Variants in HDGF observed in about 807,000 individuals in gnomAD.
The protein encoded by HDGF is hepatoma-derived growth factor.
A neutral mutation model predicts 30.0 loss-of-function variants in HDGF; 5 were observed. The observed-to-expected ratio is 0.17, with a 90% CI of 0.09 to 0.35. HDGF has a LOEUF of 0.35. HDGF is among the 10% of genes least tolerant of loss of function. The pLI is 1.00. For synonymous variants in HDGF, 133 were observed against 112.7 expected, an observed-to-expected ratio of 1.18 and a Z score of -1.14; for missense variants, 214 against 302.8, an observed-to-expected ratio of 0.71 and a Z score of 2.18.
intron 1 of HDGF, among the ~76,000 whole-genome samples, chr1:156,764,343 C>T (rs760617313): frequency 2.0e-5 from 3 of 152,080 alleles, no homozygotes; most frequent in Non-Finnish European, 2.9e-5. Context: ...ATTCTCCTGC[C>T]TCAGCCTCCT....
upstream of HDGF, among the ~76,000 whole-genome samples, chr1:156,753,828 G>A (rs1052871229): frequency 6.6e-6 from 1 of 152,092 alleles, no homozygotes; most frequent in Non-Finnish European, 1.5e-5. Flanking sequence ...GGGGTTACAG[G>A]CGTGAGCCAC....
At chr1:156,765,472 C>CTT (rs71080793) in intron 1 of HDGF, among the ~76,000 whole-genome samples, 26,766 of 85,238 alleles carry the variant, frequency 0.31, 5,481 homozygotes, top group East Asian at 0.61. Flanking sequence ...TTCTTTCTTT[C>CTT]TTTTTTTTTT....
chr1:156,747,301 C>G (rs1311673870), intron 1 of HDGF: 1 of 121,218 alleles, frequency 8.2e-6, no homozygotes, highest in Non-Finnish European at 1.7e-5. Flanking sequence ...GAGGAAGGGA[C>G]ACTAACACAC....
rs759201444 is a variant in HDGF at position 156,751,414 on chromosome 1, G to A, written c.16C>T (p.Arg6Trp). ...TCCCCGCATTTGTACTCCTTCTGCCGGTTGGATCGCGACATGGCGGGGCTC... is the reference window on the plus strand; with the variant it reads ...TCCCCGCATTTGTACTCCTTCTGCCAGTTGGATCGCGACATGGCGGGGCTC... The part of the protein sequence containing the change: MSRSN[R>W]QKEYKCGDLV... Residue 6 changes from arginine (R) to tryptophan (W), a missense_variant, in exon 1 of 6, where the codon CGG (arginine) becomes TGG (tryptophan). Arg to Trp is a moderately radical substitution (Grantham distance 101). Coordinates refer to ENST00000357325, the MANE Select transcript of HDGF (RefSeq NM_004494.3). This position sits in a 1 kb window ranked among gnomAD's most constrained non-coding sequence, Gnocchi z 4.7. The A allele has an allele frequency of 1.9e-6, 3 of 1,593,194 alleles. No individual in the cohort carries two copies. Among genetic ancestry groups the A allele is most frequent in the East Asian group, 2.3e-5 (1 of 42,704 alleles).
chr1:156,744,720 G>T, intron 3 of HDGF: 2 of 604,372 alleles, frequency 3.3e-6, no homozygotes, highest in East Asian at 3.3e-5. Flanking sequence ...AGTTAAGGCT[G>T]TGTCCTATAC....
intron 1 of HDGF, among the ~76,000 whole-genome samples, chr1:156,759,383 A>C (rs535582276): frequency 8.5e-4 from 129 of 152,270 alleles, no homozygotes; most frequent in African/African-American, 3.0e-3. Flanking sequence ...TCCTTTACAC[A>C]AATTGTGACA....
At position 156,765,344 on chromosome 1, in the gene HDGF, C is replaced by T. The variant is rs182387808; in HGVS notation, n.136+1446G>A. Among the ~76,000 whole-genome samples the T allele has an allele frequency of 3.1e-3, 466 of 151,698 alleles. 1 individual carries two copies. The highest frequency in any genetic ancestry group is 4.5e-3 in the Non-Finnish European group (306 of 67,902). On this transcript the variant is annotated intron_variant and non_coding_transcript_variant, in intron 1 of 7. Coordinates refer to the HDGF transcript ENST00000465180. ...CCAATCTCAGGTGATCTGCCCGCCT[C>T]GGCCTCCCAAAATGCTTGGATTATA...
chr1:156,744,456 C>G, intron 3 of HDGF, 108 bp from the exon 4 acceptor site: 1 of 1,581,844 alleles, frequency 6.3e-7, no homozygotes, highest in Non-Finnish European at 8.6e-7. Context: ...GCCTCTCCCC[C>G]ACCCCCACCC....
intron 2 of HDGF, chr1:156,758,894 T>C (rs528664672): frequency 1.3e-5 from 2 of 152,344 alleles, no homozygotes; most frequent in Non-Finnish European, 2.9e-5. Flanking sequence ...AGAAGCTTTA[T>C]CTGGCAGCAG....
intron 2 of HDGF, among the ~76,000 whole-genome samples, chr1:156,757,808 A>C (rs1651177020): frequency 6.6e-6 from 1 of 151,898 alleles, no homozygotes; most frequent in Non-Finnish European, 1.5e-5. Context: ...AAAAAAGTTC[A>C]ATTTGACTAA....
chr1:156,752,121 T>A, upstream of HDGF: 1 of 1,551,408 alleles, frequency 6.4e-7, no homozygotes, highest in Non-Finnish European at 8.7e-7. Flanking sequence ...CACAAATATT[T>A]ACTGGGCACC....
intron 3 of HDGF, chr1:156,744,717 G>T: frequency 1.6e-6 from 1 of 606,168 alleles, no homozygotes; most frequent in Non-Finnish European, 2.8e-6. Flanking sequence ...AAGAGTTAAG[G>T]CTGTGTCCTA....
At chr1:156,752,049 C>T, upstream of HDGF, 9 of 1,551,450 alleles carry the variant, frequency 5.8e-6, no homozygotes, top group Non-Finnish European at 7.8e-6. Flanking sequence ...ACCGCGGCCC[C>T]AGCGCAGTTA....
In HDGF at chr1:156,743,588, C is replaced by T. The variant is rs200932672; in HGVS notation, c.716+64G>A. On this transcript the variant is annotated intron_variant, in intron 5 of 5. Coordinates refer to ENST00000357325, the MANE Select transcript of HDGF (RefSeq NM_004494.3). ...CTGACCACTGCAGGCCCTTTTCATC[C>T]TCTTCTCCGAGAGTGGCCGGTCCCC... 1.3e-4 allele frequency: 195 copies of T among 1,558,426 alleles called. 1 individual carries two copies. The African/African-American group carries it at 2.2e-3, about 17-fold the overall frequency.
At chr1:156,756,793 C>CTTTT (rs558782106), upstream of HDGF, among the ~76,000 whole-genome samples, 11 of 122,442 alleles carry the variant, frequency 9.0e-5, no homozygotes, top group African/African-American at 2.5e-4. Context: ...AAAAGGTGGT[C>CTTTT]TTTTTTTTTT....
At chr1:156,745,263 C>T (rs888522421) in intron 2 of HDGF, 34 bp downstream of exon 2, 1 of 1,611,096 alleles carries the variant, frequency 6.2e-7, no homozygotes, top group Non-Finnish European at 8.5e-7. Context: ...CTCCCGGGGC[C>T]CTCCCGACCT....
intron 1 of HDGF, among the ~76,000 whole-genome samples, chr1:156,749,146 C>T (rs1390259625): frequency 6.6e-6 from 1 of 152,194 alleles, no homozygotes; most frequent in Non-Finnish European, 1.5e-5. Context: ...TGGCTGGGCT[C>T]TCTCTCAAGC....
intron 1 of HDGF, 128 bp from the exon 2 acceptor site, chr1:156,745,501 G>T: frequency 1.4e-6 from 1 of 705,342 alleles, no homozygotes; most frequent in Non-Finnish European, 2.4e-6. Context: ...TCAGCAAGAT[G>T]GCTTTTGGGC....
At position 156,744,904 on chromosome 1, in the gene HDGF, C is replaced by T; in HGVS notation, c.303+104G>A. On this transcript the variant is annotated intron_variant, in intron 3 of 5. Coordinates refer to ENST00000357325, the MANE Select transcript of HDGF (RefSeq NM_004494.3). The stretch of plus-strand genomic sequence containing the variant: ...CCCTGATTAGCTCCTACCCTGAAAG[C>T]CCTGGAGTTTCTGAAGACTAAGCAT... 3 of 1,357,020 alleles carry T rather than the reference C, an allele frequency of 2.2e-6. No homozygotes were observed. The Middle Eastern group carries it at 7.0e-4, about 317-fold the overall frequency. The allele number at this position is 1,357,020 out of a possible 1,614,324, so 84.1% of individuals were successfully genotyped here. A position where few individuals can be genotyped will look rare whatever the true frequency, so the allele number is the denominator to read the frequency against.
Sources: gnomAD v4.1 joint callset for allele counts (sites outside exome capture counted in the v4.1 genomes callset) on GRCh38, gnomAD v4.1.1 for gene constraint, Gnocchi (gnomAD v3.1) non-coding constraint, MANE v1.5 for transcripts, NCBI Gene and HGNC (gene_info 2026-07-23, HGNC 2026-07-21) for gene names.